RPS6KA6: variants seen among roughly 807,000 people sequenced by gnomAD.
The protein encoded by RPS6KA6 is ribosomal protein S6 kinase A6.
A neutral mutation model predicts 65.4 loss-of-function variants in RPS6KA6; 27 were observed. The ratio of observed to expected loss-of-function variants is 0.41; its 90% CI spans 0.30 to 0.57. RPS6KA6 has a LOEUF of 0.57. Among genes scored for constraint, RPS6KA6 ranks in the 20% least tolerant of loss-of-function variants. The pLI, the probability that RPS6KA6 is intolerant of heterozygous loss-of-function variation, is 0.24. For synonymous variants in RPS6KA6, 190 were observed against 184.2 expected (o/e 1.03, Z -0.26); for missense variants, 486 against 555.6 (o/e 0.87, Z 1.26).
At chrX:84,187,786 T>G in intron 1 of RPS6KA6, 33 bp downstream of exon 1, 1 of 1,173,544 alleles carries the variant, frequency 8.5e-7, no homozygotes. Context: ...GAGGCGGGGG[T>G]TGGCTCCAGC....
chrX:84,179,765 T>C (rs144777320), intron 1 of RPS6KA6, among the ~76,000 whole-genome samples: 6,855 of 111,309 alleles, frequency 0.062, 229 homozygotes, highest in East Asian at 0.2. Context: ...AAGTACAAAA[T>C]CATACACAAA....
chrX:84,157,638 G>C (rs1444229984), intron 2 of RPS6KA6, among the ~76,000 whole-genome samples: 1 of 110,669 alleles, frequency 9.0e-6, no homozygotes, highest in Non-Finnish European at 1.9e-5. Flanking sequence ...GGTTTTGTTA[G>C]ATGGGTCTCT....
chrX:84,133,712 T>C, intron 8 of RPS6KA6, among the ~76,000 whole-genome samples: 1 of 111,902 alleles, frequency 8.9e-6, no homozygotes, highest in East Asian at 2.8e-4. Context: ...TAATTATCTT[T>C]TTAATTGCTA....
intron 16 of RPS6KA6, 75 bp downstream of exon 16, chrX:84,105,712 G>A (rs1040974278): frequency 6.8e-6 from 4 of 589,249 alleles, no homozygotes; most frequent in Non-Finnish European, 1.1e-5. Context: ...GACATTAAAA[G>A]TTTCAATAAG....
chrX:84,167,017 T>A (rs2035606975), intron 1 of RPS6KA6, among the ~76,000 whole-genome samples: 1 of 109,050 alleles, frequency 9.2e-6, no homozygotes, highest in Admixed American at 9.8e-5. Context: ...GTTCAGTAAA[T>A]CCCAAACAGA....
intron 8 of RPS6KA6, among the ~76,000 whole-genome samples, chrX:84,125,350 A>G (rs1167479377): frequency 8.9e-6 from 1 of 112,081 alleles, no homozygotes; most frequent in Non-Finnish European, 1.9e-5. Flanking sequence ...ACTTTTCAAA[A>G]CATAGTACAA....
At chrX:84,074,872 G>A (rs1307005218) in intron 20 of RPS6KA6, among the ~76,000 whole-genome samples, 1 of 111,414 alleles carries the variant, frequency 9.0e-6, no homozygotes, top group Non-Finnish European at 1.9e-5. Context: ...TAGCAGACAA[G>A]GATGTTAAAT....
At position 84,094,513 on chromosome X, in the gene RPS6KA6, C is replaced by T. The variant is rs766908125; in HGVS notation, c.1971+1681G>A. Among the ~76,000 whole-genome samples, 4 of 108,558 alleles carry T rather than the reference C, an allele frequency of 3.7e-5. No homozygotes were observed. The South Asian group carries it at 1.2e-3, about 33-fold the overall frequency. 94.3% of individuals were successfully genotyped at this position (108,558 alleles called of 115,157 possible). A position where few individuals can be genotyped will look rare whatever the true frequency, so the allele number is the denominator to read the frequency against. On this transcript the variant is annotated intron_variant, in intron 20 of 21. Coordinates refer to ENST00000262752, the MANE Select transcript of RPS6KA6 (RefSeq NM_014496.5). ...AAAAAACATTAGCCAGGCGTGGTGG[C>T]GGGCACCTGTAGTCCCAGCTACTTG...
intron 20 of RPS6KA6, among the ~76,000 whole-genome samples, chrX:84,090,466 T>C (rs1183994759): frequency 9.1e-6 from 1 of 109,504 alleles, no homozygotes; most frequent in African/African-American, 3.3e-5. Flanking sequence ...GATAATGTAT[T>C]AGTCCATTCT....
intron 17 of RPS6KA6, among the ~76,000 whole-genome samples, chrX:84,102,553 CTAAGT>C (rs1337671274): frequency 9.0e-6 from 1 of 110,680 alleles, no homozygotes; most frequent in Non-Finnish European, 1.9e-5. Flanking sequence ...ACAAACTAAA[CTAAGT>C]TTAGACTTAG....
chrX:84,077,671 G>A (rs1164029607), intron 20 of RPS6KA6, among the ~76,000 whole-genome samples: 1 of 111,564 alleles, frequency 9.0e-6, no homozygotes, highest in Non-Finnish European at 1.9e-5. Context: ...AAACACAGGG[G>A]AAAATACAGA....
At chrX:84,119,223 G>A in intron 9 of RPS6KA6, among the ~76,000 whole-genome samples, 2 of 111,541 alleles carry the variant, frequency 1.8e-5, no homozygotes, top group Admixed American at 1.9e-4. Flanking sequence ...TAATATGTCA[G>A]GCTTATAAGA....
intron 6 of RPS6KA6, among the ~76,000 whole-genome samples, chrX:84,138,102 T>A (rs973511392): frequency 8.9e-6 from 1 of 111,936 alleles, no homozygotes; most frequent in Admixed American, 9.5e-5. Context: ...CATTTTAAAA[T>A]GATTTTTGGA....
At chrX:84,106,602 A>G in intron 14 of RPS6KA6, 115 bp from the exon 15 acceptor site, 1 of 569,333 alleles carries the variant, frequency 1.8e-6, no homozygotes, top group Non-Finnish European at 2.7e-6. Context: ...TTCATTCTAC[A>G]GAAGTTTTAT....
rs761666558 is a variant in RPS6KA6 at position 84,117,495 on chromosome X, C to T, written c.790-41G>A. ...AAAACACACCACACAATTAGAACAC[C>T]TTAGAATATATAATAAGATTCTCTA... On this transcript the variant is annotated intron_variant, in intron 9 of 21. Coordinates refer to ENST00000262752, the MANE Select transcript of RPS6KA6 (RefSeq NM_014496.5). The T allele has an allele frequency of 3.7e-6, 3 of 819,570 alleles. No individual in the cohort carries two copies. In the African/African-American group the frequency reaches 6.4e-5, roughly 17 times the overall value. The allele number at this position is 819,570 out of a possible 1,213,427, so 67.5% of individuals were successfully genotyped here.
intron 1 of RPS6KA6, among the ~76,000 whole-genome samples, chrX:84,181,905 T>C (rs2035858713): frequency 1.8e-5 from 2 of 111,185 alleles, no homozygotes; most frequent in African/African-American, 6.5e-5. Flanking sequence ...TCTCCTACTT[T>C]GTTTTCCCTT....
chrX:84,164,245 T>G, intron 2 of RPS6KA6, 83 bp downstream of exon 2: 1 of 710,525 alleles, frequency 1.4e-6, no homozygotes, highest in Non-Finnish European at 2.2e-6. Flanking sequence ...TATATTTGTT[T>G]GATAGGAGCT....
At chrX:84,173,035 T>C (rs1426310440) in intron 1 of RPS6KA6, among the ~76,000 whole-genome samples, 1 of 110,908 alleles carries the variant, frequency 9.0e-6, no homozygotes, top group Non-Finnish European at 1.9e-5. Context: ...GTCCTGTAGA[T>C]TGGCTGCACA....
chrX:84,160,515 T>C (rs1198324514), intron 2 of RPS6KA6, among the ~76,000 whole-genome samples: 2 of 111,879 alleles, frequency 1.8e-5, no homozygotes, highest in Non-Finnish European at 1.9e-5. Flanking sequence ...AGTTTTCATA[T>C]GACTGTGGAA....
Sources: gnomAD v4.1 joint callset for allele counts (sites outside exome capture counted in the v4.1 genomes callset) on GRCh38, gnomAD v4.1.1 for gene constraint, MANE v1.5 for transcripts, NCBI Gene and HGNC (gene_info 2026-07-23, HGNC 2026-07-21) for gene names.